The following C9 variants were observed in gnomAD, a reference collection of about 807,000 sequenced individuals.
The protein encoded by C9 is complement component C9.
C9 carries 63 observed loss-of-function variants against 65.4 expected under a neutral mutation model. The observed-to-expected ratio is 0.96, with a 90% confidence interval of 0.79 to 1.19. The LOEUF is 1.19. Ranked by LOEUF, C9 falls within the 50% of genes most tolerant of loss-of-function variation. The pLI is 0.00. For missense variants in C9, 744 were observed against 670.1 expected, an observed-to-expected ratio of 1.11 and a Z score of -1.22; for synonymous variants, 229 against 227.9, an observed-to-expected ratio of 1.00 and a Z score of -0.04.
intron 9 of C9, among the ~76,000 whole-genome samples, chr5:39,292,955 T>A (rs1244687844): frequency 6.6e-6 from 1 of 151,594 alleles, no homozygotes; most frequent in Non-Finnish European, 1.5e-5. Context: ...TAAAAAAGAA[T>A]AGTCAGGACA....
intron 9 of C9, among the ~76,000 whole-genome samples, chr5:39,305,366 A>G (rs1753356262): frequency 6.6e-6 from 1 of 152,172 alleles, no homozygotes; most frequent in African/African-American, 2.4e-5. Flanking sequence ...CCTTCTTCAC[A>G]TAAAGGAGAT....
intron 1 of C9, among the ~76,000 whole-genome samples, chr5:39,349,389 C>G (rs835206): frequency 6.6e-6 from 1 of 152,166 alleles, no homozygotes; most frequent in African/African-American, 2.4e-5. Flanking sequence ...AAATCATGCA[C>G]CATCCCTGAT....
In C9 at chr5:39,308,401, C is replaced by T. The variant is rs751578976; in HGVS notation, c.1112-43G>A. 3.4e-6 allele frequency: 5 copies of T among 1,454,210 alleles called. No individual in the cohort carries two copies. The South Asian group carries it at 5.7e-5, about 17-fold the overall frequency. The allele number at this position is 1,454,210 out of a possible 1,614,324, so 90.1% of individuals were successfully genotyped here. On this transcript the variant is annotated intron_variant, in intron 7 of 10. Transcript: ENST00000263408. Reference sequence around the variant, plus strand: ...TTGAAAATTATTAGATAATGTCTACCAACATCACAAATAAATTCCAATTTT... The same window carrying T: ...TTGAAAATTATTAGATAATGTCTACTAACATCACAAATAAATTCCAATTTT...
intron 1 of C9, among the ~76,000 whole-genome samples, chr5:39,359,098 G>GTATATATATATATA (rs1375624632): frequency 6.0e-4 from 58 of 96,394 alleles, no homozygotes; most frequent in African/African-American, 2.4e-3. Flanking sequence ...ATGTGTGTGT[G>GTATATATATATATA]TGTGTATATA....
At chr5:39,285,689 T>G (rs1752979793) in intron 10 of C9, among the ~76,000 whole-genome samples, 1 of 149,714 alleles carries the variant, frequency 6.7e-6, no homozygotes, top group African/African-American at 2.4e-5. Context: ...GACATCTGTT[T>G]TGTTTTGTTT....
chr5:39,361,215 T>A (rs987394999), intron 1 of C9, among the ~76,000 whole-genome samples: 5 of 152,130 alleles, frequency 3.3e-5, no homozygotes, highest in Non-Finnish European at 7.4e-5. Flanking sequence ...GAGTCTATGG[T>A]TTAACCTACA....
At chr5:39,300,998 A>T (rs1453618479) in intron 9 of C9, among the ~76,000 whole-genome samples, 1 of 152,044 alleles carries the variant, frequency 6.6e-6, no homozygotes, top group African/African-American at 2.4e-5. Flanking sequence ...ATATAAAAGC[A>T]AAATAATAAA....
intron 9 of C9, among the ~76,000 whole-genome samples, chr5:39,302,387 T>C (rs1240522965): frequency 6.6e-6 from 1 of 152,146 alleles, no homozygotes; most frequent in Non-Finnish European, 1.5e-5. Flanking sequence ...TATAGTTTAA[T>C]AATAAATAGG....
chr5:39,292,810 C>A (rs1753119611), intron 9 of C9, among the ~76,000 whole-genome samples: 2 of 150,150 alleles, frequency 1.3e-5, no homozygotes, highest in South Asian at 4.2e-4. Flanking sequence ...AGCATAATAT[C>A]ATTTGAAGGC....
At chr5:39,310,862 T>C (rs1445958757) in intron 7 of C9, among the ~76,000 whole-genome samples, 4 of 152,322 alleles carry the variant, frequency 2.6e-5, no homozygotes, top group Non-Finnish European at 5.9e-5. Context: ...TCACTAAAAG[T>C]ACCACCTTCT....
intron 5 of C9, among the ~76,000 whole-genome samples, chr5:39,319,205 T>G (rs1490770974): frequency 6.6e-6 from 1 of 152,164 alleles, no homozygotes; most frequent in Non-Finnish European, 1.5e-5. Context: ...GACTAACAAA[T>G]ATTTTTGCTA....
Position 39,285,298 on chromosome 5 carries a change from C to G in C9, c.1646-65G>C. The G allele has an allele frequency of 2.3e-6, 3 of 1,314,512 alleles. No homozygotes were observed. The South Asian group carries it at 3.5e-5, about 15-fold the overall frequency. 81.4% of individuals were successfully genotyped at this position (1,314,512 alleles called of 1,614,324 possible). A position where few individuals can be genotyped will look rare whatever the true frequency, so the allele number is the denominator to read the frequency against. Reference sequence around the variant, plus strand: ...AGGATTTTACTTTGGGTCCATCCACCCATCCGCTTTTTCACCTTCTTATCC... The same window carrying G: ...AGGATTTTACTTTGGGTCCATCCACGCATCCGCTTTTTCACCTTCTTATCC... On this transcript the variant is annotated intron_variant, in intron 10 of 10. Transcript: ENST00000263408.
At chr5:39,331,510 A>G (rs1352745742) in intron 5 of C9, among the ~76,000 whole-genome samples, 166 bp downstream of exon 5, 1 of 152,150 alleles carries the variant, frequency 6.6e-6, no homozygotes, top group Non-Finnish European at 1.5e-5. Context: ...AGAAGACACA[A>G]TTGTATGTTT....
At chr5:39,359,102 G>GTGTGTGTGTGTATA (rs1407613505) in intron 1 of C9, among the ~76,000 whole-genome samples, 1 of 103,660 alleles carries the variant, frequency 9.6e-6, no homozygotes, top group South Asian at 3.1e-4. Flanking sequence ...GTGTGTGTGT[G>GTGTGTGTGTGTATA]TATATATATA....
At chr5:39,333,809 TC>T in intron 4 of C9, among the ~76,000 whole-genome samples, 1 of 151,642 alleles carries the variant, frequency 6.6e-6, no homozygotes, top group South Asian at 2.1e-4. Context: ...AGACGGGGTT[TC>T]GCTGTGTTGG....
chr5:39,346,865 A>G (rs1366292287), intron 1 of C9, among the ~76,000 whole-genome samples: 1 of 152,238 alleles, frequency 6.6e-6, no homozygotes, highest in African/African-American at 2.4e-5. Context: ...GGCTGGTTCA[A>G]CATATGCAAA....
intron 5 of C9, among the ~76,000 whole-genome samples, chr5:39,330,862 T>C (rs909616292): frequency 2.0e-5 from 3 of 152,334 alleles, no homozygotes; most frequent in Middle Eastern, 3.4e-3. Flanking sequence ...TGATTTATGA[T>C]ATTTTCAGAA....
chr5:39,342,103 A>G lies in C9; in HGVS notation c.171T>C (p.Cys57=). 6.3e-7 allele frequency: 1 copy of G among 1,578,518 alleles called. No individual in the cohort carries two copies. ...PWSEWSQCDP[C]LRQMFRSRSI... ...GATGAACACTTACCATTTGTCTGAG[A>G]CAAGGATCGCATTGTGACCATTCAC... Residue 57 remains cysteine (C), a synonymous_variant, in exon 2 of 11, where the codon TGT becomes TGC. Coordinates refer to ENST00000263408, the MANE Select transcript of C9 (RefSeq NM_001737.5).
chr5:39,343,207 T>A (rs1579872660), intron 1 of C9, among the ~76,000 whole-genome samples: 2 of 152,146 alleles, frequency 1.3e-5, no homozygotes, highest in South Asian at 4.2e-4. Flanking sequence ...GCCCACTGAG[T>A]GTGTGCTGAA....
Sources: gnomAD v4.1 joint callset for allele counts (sites outside exome capture counted in the v4.1 genomes callset) on GRCh38, gnomAD v4.1.1 for gene constraint, MANE v1.5 for transcripts, NCBI Gene and HGNC (gene_info 2026-07-23, HGNC 2026-07-21) for gene names.